The following GRIK2 variants were observed in gnomAD, a reference collection of about 807,000 sequenced individuals.
GRIK2 encodes glutamate ionotropic receptor kainate type subunit 2.
Under a neutral mutation model 100.3 loss-of-function variants are expected in GRIK2, and 32 were observed. The ratio of observed to expected loss-of-function variants is 0.32; its 90% CI spans 0.24 to 0.43. GRIK2 has a LOEUF of 0.43. Among genes scored for constraint, GRIK2 ranks in the 20% least tolerant of loss-of-function variants. The pLI is 1.00. For missense variants in GRIK2, 843 were observed against 1,114.9 expected (o/e 0.76, Z 3.47); for synonymous variants, 417 against 389.4 (o/e 1.07, Z -0.83).
chr6:101,722,054 G>A (rs1166685572), intron 7 of GRIK2, among the ~76,000 whole-genome samples: 1 of 151,880 alleles, frequency 6.6e-6, no homozygotes, highest in Non-Finnish European at 1.5e-5. Context: ...ATGAAGTGAT[G>A]TTTCTACTTC....
chr6:101,960,574 T>G (rs1792234399), intron 14 of GRIK2, among the ~76,000 whole-genome samples: 1 of 152,098 alleles, frequency 6.6e-6, no homozygotes, highest in Non-Finnish European at 1.5e-5. Context: ...TCTGGGTGCT[T>G]TCAGGGGCCA....
intron 2 of GRIK2, among the ~76,000 whole-genome samples, chr6:101,573,768 T>C (rs560227034): frequency 1.3e-5 from 2 of 152,232 alleles, no homozygotes; most frequent in African/African-American, 4.8e-5. Flanking sequence ...AACCTGTAAA[T>C]ACAAATAAGC....
intron 2 of GRIK2, among the ~76,000 whole-genome samples, chr6:101,535,469 G>A (rs553849888): frequency 1.3e-3 from 195 of 151,814 alleles, no homozygotes; most frequent in Middle Eastern, 6.8e-3. Flanking sequence ...AGAGGCTAGG[G>A]AACTGTATCA....
chr6:101,568,976 G>C (rs1281623330), intron 2 of GRIK2, among the ~76,000 whole-genome samples: 3 of 151,954 alleles, frequency 2.0e-5, no homozygotes, highest in Non-Finnish European at 2.9e-5. Flanking sequence ...CCATTACAGA[G>C]CTGGAGTAGG....
chr6:101,418,084 T>C (rs1262724976), intron 2 of GRIK2, among the ~76,000 whole-genome samples: 1 of 152,172 alleles, frequency 6.6e-6, no homozygotes, highest in African/African-American at 2.4e-5. Context: ...TAGGCTTTTA[T>C]CCACAGATCT....
chr6:101,914,284 A>G (rs936589230), intron 12 of GRIK2, among the ~76,000 whole-genome samples: 2 of 151,418 alleles, frequency 1.3e-5, no homozygotes, highest in Non-Finnish European at 3.0e-5. Flanking sequence ...TTGAATATAG[A>G]CAGGTTGTCA....
At chr6:101,852,020 T>A (rs1562439213) in intron 10 of GRIK2, among the ~76,000 whole-genome samples, 1 of 151,506 alleles carries the variant, frequency 6.6e-6, no homozygotes, top group African/African-American at 2.4e-5. Context: ...GATATAATAT[T>A]ACTGACCTCA....
chr6:101,452,879 C>T (rs1046272815), intron 2 of GRIK2, among the ~76,000 whole-genome samples: 3 of 151,830 alleles, frequency 2.0e-5, no homozygotes, highest in Non-Finnish European at 4.4e-5. Flanking sequence ...ATTTAATAGT[C>T]TCAGTCTCTA....
chr6:101,920,751 G>A (rs1454593702), intron 12 of GRIK2, among the ~76,000 whole-genome samples: 1 of 151,362 alleles, frequency 6.6e-6, no homozygotes, highest in Non-Finnish European at 1.5e-5. Context: ...TTGGAAAGGG[G>A]GGTCAGAGAT....
intron 6 of GRIK2, 68 bp downstream of exon 6, chr6:101,682,674 T>C: frequency 1.4e-6 from 1 of 732,102 alleles, no homozygotes; most frequent in Non-Finnish European, 2.4e-6. Flanking sequence ...GAAAAATAGG[T>C]TTTTTAGTAA....
intron 7 of GRIK2, among the ~76,000 whole-genome samples, chr6:101,782,263 T>C (rs1481262719): frequency 2.0e-5 from 3 of 152,206 alleles, no homozygotes; most frequent in Admixed American, 2.0e-4. Flanking sequence ...TAACTCTAGT[T>C]ACCCTACTCT....
intron 15 of GRIK2, among the ~76,000 whole-genome samples, chr6:102,052,921 A>G (rs1562141544): frequency 6.6e-6 from 1 of 152,076 alleles, no homozygotes; most frequent in African/African-American, 2.4e-5. Context: ...TGTACTAAAA[A>G]TACAGATGAG....
intron 11 of GRIK2, among the ~76,000 whole-genome samples, chr6:101,877,628 A>G (rs1658146228): frequency 6.6e-6 from 1 of 151,936 alleles, no homozygotes; most frequent in African/African-American, 2.4e-5. Flanking sequence ...TAAAAGAATA[A>G]AAACATCTGA....
At chr6:101,864,236 A>G (rs1011425154) in intron 11 of GRIK2, among the ~76,000 whole-genome samples, 3 of 152,186 alleles carry the variant, frequency 2.0e-5, no homozygotes, top group Non-Finnish European at 4.4e-5. Context: ...TAAATACATC[A>G]GTGAGACAGC....
intron 14 of GRIK2, among the ~76,000 whole-genome samples, chr6:101,943,883 C>T (rs147790431): frequency 5.3e-5 from 8 of 152,008 alleles, no homozygotes; most frequent in South Asian, 4.1e-4. Context: ...AGCATGATTG[C>T]GTTTTGAAAT....
intron 2 of GRIK2, among the ~76,000 whole-genome samples, chr6:101,568,823 C>T (rs1037865867): frequency 2.0e-5 from 3 of 151,868 alleles, no homozygotes; most frequent in South Asian, 2.1e-4. Context: ...ATTCTGATAA[C>T]GAGTCTATCC....
chr6:101,784,334 A>T (rs75118139), intron 7 of GRIK2, among the ~76,000 whole-genome samples: 13 of 152,346 alleles, frequency 8.5e-5, no homozygotes, highest in African/African-American at 2.9e-4. Flanking sequence ...GTTGCTGGGA[A>T]CATTTACCCA....
At chr6:101,751,564 T>C (rs1776788464) in intron 7 of GRIK2, among the ~76,000 whole-genome samples, 1 of 152,184 alleles carries the variant, frequency 6.6e-6, no homozygotes, top group Admixed American at 6.5e-5. Flanking sequence ...TCATCAAATA[T>C]ACAATGATCT....
chr6:101,890,758 T>C (rs1786999765), intron 12 of GRIK2, among the ~76,000 whole-genome samples: 2 of 152,046 alleles, frequency 1.3e-5, no homozygotes, highest in Non-Finnish European at 2.9e-5. Flanking sequence ...ACTGATAGAT[T>C]GTGTCAATAT....
Sources: gnomAD v4.1 joint callset for allele counts (sites outside exome capture counted in the v4.1 genomes callset) on GRCh38, gnomAD v4.1.1 for gene constraint, MANE v1.5 for transcripts, NCBI Gene and HGNC (gene_info 2026-07-23, HGNC 2026-07-21) for gene names.